Variants in PDHX observed in about 807,000 individuals in gnomAD.
PDHX encodes pyruvate dehydrogenase complex component X, also known as pyruvate dehydrogenase protein X component, mitochondrial.
PDHX carries 33 observed loss-of-function variants against 55.3 expected under a neutral mutation model. The ratio of observed to expected loss-of-function variants is 0.60; its 90% confidence interval spans 0.45 to 0.80. The LOEUF (loss-of-function observed/expected upper bound fraction) is 0.80. PDHX is among the 30% of genes least tolerant of loss of function. The pLI is 0.00. For synonymous variants in PDHX, 226 were observed against 219.4 expected, an observed-to-expected ratio of 1.03 and a Z score of -0.27; for missense variants, 622 against 619.9, an observed-to-expected ratio of 1.00 and a Z score of -0.04.
intron 9 of PDHX, among the ~76,000 whole-genome samples, chr11:34,986,197 C>T (rs997187702): frequency 7.9e-5 from 12 of 151,414 alleles, no homozygotes; most frequent in African/African-American, 2.9e-4. Context: ...CTGAACTATT[C>T]GCGTGACGGA....
At chr11:34,994,539 A>G (rs1855818895) in intron 10 of PDHX, among the ~76,000 whole-genome samples, 1 of 152,146 alleles carries the variant, frequency 6.6e-6, no homozygotes, top group Admixed American at 6.5e-5. Context: ...TTGCAATATG[A>G]TGTTATGACA....
At chr11:34,931,086 C>G (rs191497171) in intron 1 of PDHX, among the ~76,000 whole-genome samples, 121 of 152,096 alleles carry the variant, frequency 8.0e-4, no homozygotes, top group African/African-American at 2.8e-3. Context: ...GGAGGTGAAA[C>G]CTAAATCAAT....
chr11:34,945,714 A>G (rs1854605235), intron 2 of PDHX, among the ~76,000 whole-genome samples: 1 of 152,146 alleles, frequency 6.6e-6, no homozygotes, highest in Non-Finnish European at 1.5e-5. Context: ...TCATGTTTAT[A>G]TAGTCTAATA....
In PDHX at chr11:34,958,889, A is replaced by T. The variant is rs192893408; in HGVS notation, c.542+1306A>T. 1.8e-3 allele frequency among the ~76,000 whole-genome samples: 272 copies of T among 151,716 alleles called. 1 individual carries two copies. Among genetic ancestry groups the T allele is most frequent in the African/African-American group, 6.2e-3 (257 of 41,424 alleles). ...TGGGCACACAGTGAATGAAAAAAAA[A>T]TTTTTTTTTGGTTGGTTGGTTACTA... On this transcript the variant is annotated intron_variant, in intron 4 of 10. Coordinates refer to ENST00000227868, the MANE Select transcript of PDHX (RefSeq NM_003477.3).
chr11:34,983,762 A>G (rs1431420246), intron 8 of PDHX, among the ~76,000 whole-genome samples: 1 of 152,192 alleles, frequency 6.6e-6, no homozygotes, highest in South Asian at 2.1e-4. Flanking sequence ...CCACTGCTCG[A>G]TGAAATAAAA....
rs746837316 is a variant in PDHX at position 34,960,460 on chromosome 11, C to T, written c.583C>T (p.His195Tyr). 52 of 1,613,268 alleles carry T rather than the reference C, an allele frequency of 3.2e-5. No homozygotes were observed. In the Admixed American group the frequency reaches 8.5e-4, roughly 26 times the overall value. Residue 195 changes from histidine (H) to tyrosine (Y), a missense_variant, in exon 5 of 11, where the codon CAC becomes TAC. Coordinates refer to ENST00000227868, the MANE Select transcript of PDHX (RefSeq NM_003477.3). ...SPAARNILEK[H>Y]SLDASQGTAT... The stretch of plus-strand genomic sequence containing the variant: ...AGCTGCCCGCAATATTCTGGAAAAA[C>T]ACTCACTGGATGCTAGCCAGGGCAC...
At chr11:34,979,336 G>A (rs1484330612) in intron 8 of PDHX, among the ~76,000 whole-genome samples, 2 of 152,108 alleles carry the variant, frequency 1.3e-5, no homozygotes, top group Non-Finnish European at 2.9e-5. Flanking sequence ...GCAGTTCAGT[G>A]GAGGTGATGT....
chr11:34,916,913 T>A, intron 1 of PDHX, 98 bp downstream of exon 1: 4 of 1,172,404 alleles, frequency 3.4e-6, no homozygotes, highest in Non-Finnish European at 4.9e-6. Flanking sequence ...GGTGTGAAGG[T>A]GCGCGGGCTC....
intron 9 of PDHX, among the ~76,000 whole-genome samples, chr11:34,985,116 G>A (rs1855612481): frequency 6.6e-6 from 1 of 152,224 alleles, no homozygotes; most frequent in South Asian, 2.1e-4. Context: ...TTCTTAAAGT[G>A]TATTTACTTC....
At position 34,970,039 on chromosome 11, in the gene PDHX, A is replaced by G. The variant is rs1003373280; in HGVS notation, c.817-100A>G. ...TAATCTTTAATTAATAAGTTAGGTC[A>G]TTGAGAATGAATTTCTTTTCATTTA... On this transcript the variant is annotated intron_variant, in intron 6 of 10. Transcript: ENST00000227868. 13 of 960,816 alleles carry G rather than the reference A, an allele frequency of 1.4e-5. No individual in the cohort carries two copies. In the Admixed American group the frequency reaches 2.0e-4, roughly 15 times the overall value. 59.5% of individuals were successfully genotyped at this position (960,816 alleles called of 1,614,324 possible). A position where few individuals can be genotyped will look rare whatever the true frequency, so the allele number is the denominator to read the frequency against.
rs1855227059 is a variant in PDHX at position 34,970,166 on chromosome 11, A to G, written c.844A>G (p.Asn282Asp). Residue 282 changes from asparagine to aspartate, a missense_variant, in exon 7 of 11, where the codon AAT becomes GAT. Coordinates refer to ENST00000227868, the MANE Select transcript of PDHX (RefSeq NM_003477.3). ...CACATTCACTGAAATCCCCGCCAGC[A>G]ATATTCGAAGAGTTATTGCCAAGAG... ...VGTFTEIPAS[N>D]IRRVIAKRLT... is the part of the protein sequence containing the mutation. 2.5e-6 allele frequency: 4 copies of G among 1,613,742 alleles called. No homozygotes were observed. Among genetic ancestry groups the G allele is most frequent in the Middle Eastern group, 1.7e-4 (1 of 6,060 alleles).
At chr11:34,979,151 A>G (rs1250002031) in intron 8 of PDHX, among the ~76,000 whole-genome samples, 1 of 152,162 alleles carries the variant, frequency 6.6e-6, no homozygotes, top group Non-Finnish European at 1.5e-5. Flanking sequence ...AGAAACAAGC[A>G]TTTTGGCCCA....
chr11:34,916,099 A>C, upstream of PDHX: 1 of 1,240,378 alleles, frequency 8.1e-7, no homozygotes, highest in Non-Finnish European at 1.1e-6. Flanking sequence ...GGGGTAGCGA[A>C]CGGCCAGGCC....
At chr11:34,970,115 G>A (rs778128597) in intron 6 of PDHX, 24 bp from the exon 7 acceptor site, 18 of 1,609,592 alleles carry the variant, frequency 1.1e-5, no homozygotes, top group South Asian at 1.1e-5. Context: ...GTGGTTTAAC[G>A]GACAGGTTGC....
At chr11:34,977,934 A>G in intron 7 of PDHX, 190 bp from the exon 8 acceptor site, 1 of 615,518 alleles carries the variant, frequency 1.6e-6, no homozygotes, top group East Asian at 3.2e-5. Flanking sequence ...GGTTAATATT[A>G]TTGATCCAGG....
Position 34,947,579 on chromosome 11 carries a change from T to C in PDHX, c.315T>C (p.Ser105=). 1 of 1,612,258 alleles carries C rather than the reference T, an allele frequency of 6.2e-7. No homozygotes were observed. Among genetic ancestry groups the C allele is most frequent in the Non-Finnish European group, 8.5e-7 (1 of 1,178,342 alleles). Residue 105 remains serine, a synonymous_variant, in exon 3 of 11, where the codon AGT becomes AGC. Transcript: ENST00000227868. ...TDKAVVTLDA[S]DDGILAKIVV... is the part of the protein sequence containing the mutation. The stretch of plus-strand genomic sequence containing the variant: ...AAGCTGTGGTTACCTTAGATGCAAG[T>C]GATGATGGAATCTTGGCCAAAATCG...
At chr11:34,938,378 A>G (rs537074326) in intron 2 of PDHX, among the ~76,000 whole-genome samples, 6 of 152,256 alleles carry the variant, frequency 3.9e-5, no homozygotes, top group Non-Finnish European at 8.8e-5. Flanking sequence ...TGAAAGAGCC[A>G]GTACCCCATT....
intron 7 of PDHX, among the ~76,000 whole-genome samples, chr11:34,974,071 C>T (rs1444220253): frequency 5.9e-5 from 9 of 152,148 alleles, no homozygotes; most frequent in Non-Finnish European, 1.2e-4. Context: ...ACAGTTAGTT[C>T]GTTGACATTA....
At chr11:34,957,023 C>T (rs957718230) in intron 3 of PDHX, among the ~76,000 whole-genome samples, 4 of 152,132 alleles carry the variant, frequency 2.6e-5, no homozygotes, top group Admixed American at 2.6e-4. Context: ...CTGGGAAAGA[C>T]AAATGGTTAA....
Sources: allele counts gnomAD v4.1 joint callset (sites outside exome capture counted in the v4.1 genomes callset), GRCh38; gene constraint gnomAD v4.1.1; transcripts MANE v1.5; gene names NCBI Gene and HGNC (gene_info 2026-07-23, HGNC 2026-07-21).